ABCA3: variants seen among roughly 807,000 people sequenced by gnomAD.
ABCA3 encodes ATP binding cassette subfamily A member 3, also known as phospholipid-transporting ATPase ABCA3.
A neutral mutation model predicts 172.8 loss-of-function variants in ABCA3; 88 were observed. The observed-to-expected ratio is 0.51, with a 90% CI of 0.43 to 0.61. ABCA3 has a LOEUF of 0.61. ABCA3 is among the 20% of genes least tolerant of loss of function. The probability of loss-of-function intolerance (pLI) is 0.00; values close to 1 mark genes in which losing one functional copy is unlikely to be tolerated. For synonymous variants in ABCA3, 1,066 were observed against 983.8 expected, an observed-to-expected ratio of 1.08 and a Z score of -1.56; for missense variants, 2,164 against 2,301.0, an observed-to-expected ratio of 0.94 and a Z score of 1.22.
chr16:2,318,759 C>G (rs1377705190), intron 8 of ABCA3, among the ~76,000 whole-genome samples: 2 of 152,082 alleles, frequency 1.3e-5, no homozygotes, highest in Non-Finnish European at 2.9e-5. Context: ...GTGATCCGCC[C>G]ACCTCGACCT....
At chr16:2,315,036 C>T (rs2093712770) in intron 10 of ABCA3, among the ~76,000 whole-genome samples, 1 of 149,918 alleles carries the variant, frequency 6.7e-6, no homozygotes, top group African/African-American at 2.4e-5. Flanking sequence ...CGCCACCACA[C>T]CCGGCTAATT....
At chr16:2,307,474 G>A (rs1227508604) in intron 11 of ABCA3, among the ~76,000 whole-genome samples, 1 of 151,928 alleles carries the variant, frequency 6.6e-6, no homozygotes, top group Non-Finnish European at 1.5e-5. Flanking sequence ...AGGATCACTT[G>A]AACCCAGAGG....
At chr16:2,317,516 G>T in intron 9 of ABCA3, 113 bp from the exon 10 acceptor site, 1 of 1,577,762 alleles carries the variant, frequency 6.3e-7, no homozygotes, top group Non-Finnish European at 8.7e-7. Context: ...GTGGGACATT[G>T]ACAGCTCCTC....
In ABCA3 at chr16:2,277,472, T is replaced by G; in HGVS notation, c.4983+125A>C. ...AAACCAGCACGTATCAGGCTGAGTG[T>G]TAGGGGAGAAATGGAAAGTGACTCC... On this transcript the variant is annotated intron_variant, in intron 32 of 32. Coordinates refer to ENST00000301732, the MANE Select transcript of ABCA3 (RefSeq NM_001089.3). This position sits in a 1 kb window ranked among gnomAD's most constrained non-coding sequence, Gnocchi z 5.3. 2 of 989,230 alleles carry G rather than the reference T, an allele frequency of 2.0e-6. No individual in the cohort carries two copies. The highest frequency in any genetic ancestry group is 3.1e-6 in the Non-Finnish European group (2 of 641,388). The allele number at this position is 989,230 out of a possible 1,614,324, so 61.3% of individuals were successfully genotyped here.
chr16:2,333,204 C>T (rs1483799490), intron 1 of ABCA3, among the ~76,000 whole-genome samples: 4 of 152,128 alleles, frequency 2.6e-5, no homozygotes, highest in East Asian at 1.9e-4. Flanking sequence ...ACAGAAGGGA[C>T]AGGCCAGAGT....
At chr16:2,320,157 G>A (rs1464909739) in intron 7 of ABCA3, among the ~76,000 whole-genome samples, 1 of 151,708 alleles carries the variant, frequency 6.6e-6, no homozygotes, top group Admixed American at 6.6e-5. Context: ...GGAGTGCAGT[G>A]GCGCGATCTT....
chr16:2,276,490 G>T lies in ABCA3; in HGVS notation c.*184C>A. The stretch of plus-strand genomic sequence containing the variant: ...ATGCAGACATGGAGATGCGCATGCT[G>T]ATCCTGGGCATGAGGGCTGGGCTGC... On this transcript the variant is annotated 3_prime_UTR_variant, in exon 33 of 33. Coordinates refer to ENST00000301732, the MANE Select transcript of ABCA3 (RefSeq NM_001089.3). The T allele has an allele frequency of 2.9e-6, 3 of 1,022,964 alleles. No homozygotes were observed. Among genetic ancestry groups the T allele is most frequent in the Non-Finnish European group, 4.3e-6 (3 of 696,982 alleles). 63.4% of individuals were successfully genotyped at this position (1,022,964 alleles called of 1,614,324 possible). A position where few individuals can be genotyped will look rare whatever the true frequency, so the allele number is the denominator to read the frequency against.
rs545502913 is a variant in ABCA3 at position 2,308,487 on chromosome 16, T to C, written c.1248A>G (p.Ala416=). ...CSCLLSNVAM[A]MGAQLIGKFE... ...ATTTCCCAATGAGCTGGGCTCCCAT[T>C]GCCATGGCGACATTAGACAGGAGGC... is the stretch of plus-strand genomic sequence containing the variant. The change falls in exon 11 of 33, where the codon GCA becomes GCG. Residue 416 remains alanine, a synonymous_variant. Transcript: ENST00000301732. 6.2e-7 allele frequency: 1 copy of C among 1,614,222 alleles called. No individual in the cohort carries two copies. The highest frequency in any genetic ancestry group is 1.1e-5 in the South Asian group (1 of 91,086).
At chr16:2,319,989 AC>A in intron 7 of ABCA3, 149 bp from the exon 8 acceptor site, 6 of 945,646 alleles carry the variant, frequency 6.3e-6, no homozygotes, top group Non-Finnish European at 9.8e-6. Context: ...CAGTGGTCCC[AC>A]GGGAGAAGGA....
chr16:2,319,663 G>A lies in ABCA3; in HGVS notation c.791C>T (p.Pro264Leu). The A allele has an allele frequency of 1.2e-6, 2 of 1,613,866 alleles. No individual in the cohort carries two copies. The highest frequency in any genetic ancestry group is 1.7e-6 in the Non-Finnish European group (2 of 1,180,008). Residue 264 changes from proline (P) to leucine (L), a missense_variant, in exon 8 of 33, where the codon CCC becomes CTC. Pro to Leu is a moderately conservative substitution (Grantham distance 98). Around this residue, in one of 3 missense-constraint regions of ABCA3, gnomAD observed 1,343 missense variants for 1,369.6 expected, o/e 0.98. Coordinates refer to ENST00000301732, the MANE Select transcript of ABCA3 (RefSeq NM_001089.3). ...PFLVAIQYQL[P>L]LLLLLSFTYT... ...GGTGAAGCTGAGCAGCAGCAGCAGGGGCAGCTGGTACTGGATGGCCACGAG... is the reference window on the plus strand; with the variant it reads ...GGTGAAGCTGAGCAGCAGCAGCAGGAGCAGCTGGTACTGGATGGCCACGAG...
At chr16:2,317,498 CGA>C in intron 9 of ABCA3, 95 bp from the exon 10 acceptor site, 1 of 1,597,672 alleles carries the variant, frequency 6.3e-7, no homozygotes, top group Non-Finnish European at 8.5e-7. Context: ...GCGGCTCCAC[CGA>C]GAGGAGTGGG....
chr16:2,328,586 C>T lies in ABCA3; in HGVS notation c.-160G>A, dbSNP rs2093738142. 1.9e-6 allele frequency: 1 copy of T among 514,004 alleles called. No individual in the cohort carries two copies. Among genetic ancestry groups the T allele is most frequent in the Non-Finnish European group, 3.9e-6 (1 of 257,792 alleles). 31.8% of individuals were successfully genotyped at this position (514,004 alleles called of 1,614,324 possible). On this transcript the variant is annotated 5_prime_UTR_variant, in exon 3 of 33. Transcript: ENST00000301732. ...ACGTGGCTGCTCTGTCCTGGAGAGG[C>T]AGGGAAGGCGATGGAGGAGGGGCAG...
At chr16:2,340,466 G>T (rs539152977) in intron 1 of ABCA3, 107 bp downstream of exon 1, 11 of 150,740 alleles carry the variant, frequency 7.3e-5, no homozygotes, top group African/African-American at 2.4e-4. Flanking sequence ...GGAGCTGGGG[G>T]GGGCCCGAGG....
At chr16:2,288,641 C>T (rs1400622360) in intron 20 of ABCA3, among the ~76,000 whole-genome samples, 1 of 152,118 alleles carries the variant, frequency 6.6e-6, no homozygotes, top group Non-Finnish European at 1.5e-5. Context: ...CTGCAACCTC[C>T]ACCTCCTGGG....
rs1286351434 is a variant in ABCA3, at chr16:2,283,676, C to T, written c.3863-318G>A. On this transcript the variant is annotated intron_variant, in intron 25 of 32. Coordinates refer to ENST00000301732, the MANE Select transcript of ABCA3 (RefSeq NM_001089.3). This position sits in a 1 kb window ranked among gnomAD's most constrained non-coding sequence, Gnocchi z 5.4. ...CCAGGACAGAGACCGTTACAAGCAC[C>T]GAGGGGTGTGTGGGAGGCTGAGGAG... 1.0e-5 allele frequency: 4 copies of T among 384,214 alleles called. No homozygotes were observed. Among genetic ancestry groups the T allele is most frequent in the Admixed American group, 7.9e-5 (2 of 25,342 alleles). The allele number at this position is 384,214 out of a possible 1,614,324, so 23.8% of individuals were successfully genotyped here.
chr16:2,293,474 C>T (rs977899017), intron 18 of ABCA3, among the ~76,000 whole-genome samples: 1 of 148,666 alleles, frequency 6.7e-6, no homozygotes, highest in Non-Finnish European at 1.5e-5. Flanking sequence ...CGGGCTCAAG[C>T]AATCCTCTCA....
rs1226648373 is a variant in ABCA3 at position 2,318,900 on chromosome 16, T to A, written c.873+681A>T. On this transcript the variant is annotated intron_variant, in intron 8 of 32. Coordinates refer to ENST00000301732, the MANE Select transcript of ABCA3 (RefSeq NM_001089.3). The stretch of plus-strand genomic sequence containing the variant: ...TCACATTCCCACCACTTAGGTTCAG[T>A]AACCGTTTCACGTTTTGCCCTATTT... Among the ~76,000 whole-genome samples the A allele has an allele frequency of 2.0e-5, 3 of 152,232 alleles. No individual in the cohort carries two copies. In the East Asian group the frequency reaches 5.8e-4, roughly 29 times the overall value.
chr16:2,297,251 C>G lies in ABCA3; in HGVS notation c.2263+78G>C. ...GCCACCCCTGCCTGATCTGAGGGCC[C>G]TTCATGAAGGTAGCAGCCATTCCCT... On this transcript the variant is annotated intron_variant, in intron 17 of 32. Transcript: ENST00000301732. This position sits in a 1 kb window ranked among gnomAD's most constrained non-coding sequence, Gnocchi z 5.6. The G allele has an allele frequency of 6.5e-7, 1 of 1,527,236 alleles. No homozygotes were observed. The highest frequency in any genetic ancestry group is 8.9e-7 in the Non-Finnish European group (1 of 1,120,096). 94.6% of individuals were successfully genotyped at this position (1,527,236 alleles called of 1,614,324 possible). A position where few individuals can be genotyped will look rare whatever the true frequency, so the allele number is the denominator to read the frequency against.
intron 28 of ABCA3, among the ~76,000 whole-genome samples, chr16:2,280,296 T>G (rs940068813): frequency 6.6e-6 from 1 of 152,272 alleles, no homozygotes; most frequent in Non-Finnish European, 1.5e-5. Flanking sequence ...GATGCAGATC[T>G]AACGCCTATG....
Sources: gnomAD v4.1 joint callset for allele counts (sites outside exome capture counted in the v4.1 genomes callset) on GRCh38, gnomAD v4.1.1 for gene constraint, gnomAD v4.1.1 regional missense constraint, Gnocchi (gnomAD v3.1) non-coding constraint, MANE v1.5 for transcripts, NCBI Gene and HGNC (gene_info 2026-07-23, HGNC 2026-07-21) for gene names.